Variants in EIF4EBP2 observed in about 807,000 individuals in gnomAD.
EIF4EBP2 encodes eukaryotic translation initiation factor 4E binding protein 2.
In EIF4EBP2, 5 loss-of-function variants were observed where a neutral mutation model predicts 10.3. The ratio of observed to expected loss-of-function variants is 0.48; its 90% CI spans 0.25 to 1.02. The LOEUF (loss-of-function observed/expected upper bound fraction) is 1.02, where lower values mean the gene tolerates loss of function less well. Ranked by LOEUF, EIF4EBP2 falls within the 50% of genes least tolerant of loss-of-function variation. EIF4EBP2 has a pLI of 0.15. For synonymous variants in EIF4EBP2, 67 were observed against 61.1 expected (o/e 1.10, Z -0.45); for missense variants, 188 against 162.2 (o/e 1.16, Z -0.86).
rs10999326 is a variant in EIF4EBP2 at position 70,425,468 on chromosome 10, G to T, written c.*3721G>T. 6.6e-6 allele frequency: 1 copy of T among 152,118 alleles called. No homozygotes were observed. The highest frequency in any genetic ancestry group is 2.4e-5 in the African/African-American group (1 of 41,416). 9.4% of individuals were successfully genotyped at this position (152,118 alleles called of 1,614,324 possible). A position where few individuals can be genotyped will look rare whatever the true frequency, so the allele number is the denominator to read the frequency against. On this transcript the variant is annotated 3_prime_UTR_variant, in exon 3 of 3. Transcript: ENST00000373218. ...ATGAAAGTAGGTCAACAGGGAGGTA[G>T]GTTTAATCTAGATAAGCTGAAAGAT... is the stretch of plus-strand genomic sequence containing the variant.
In EIF4EBP2 at chr10:70,412,084, A is replaced by G. The variant is rs555298992; in HGVS notation, c.145+7538A>G. ...CTCTTAAGTCAGTCATAGTTTCCCCAGTGTTTGGTCTGGTGGGCATCTGAA... is the reference window on the plus strand; with the variant it reads ...CTCTTAAGTCAGTCATAGTTTCCCCGGTGTTTGGTCTGGTGGGCATCTGAA... On this transcript the variant is annotated intron_variant, in intron 1 of 2. Transcript: ENST00000373218. Among the ~76,000 whole-genome samples, 177 of 152,142 alleles carry G rather than the reference A, an allele frequency of 1.2e-3. 2 individuals carry two copies. Among genetic ancestry groups the G allele is most frequent in the Middle Eastern group, 0.01 (3 of 294 alleles).
chr10:70,406,962 A>G (rs1844970561), intron 1 of EIF4EBP2, among the ~76,000 whole-genome samples: 1 of 152,112 alleles, frequency 6.6e-6, no homozygotes, highest in Admixed American at 6.5e-5. Flanking sequence ...CAGTGGCGCG[A>G]TCTCGGCTCA....
chr10:70,421,792 T>G lies in EIF4EBP2; in HGVS notation c.*45T>G, dbSNP rs200128194. ...AGAAAAGCAGCAACACTGATACTTG[T>G]GTGCACCTGATTTGGCCAATAGGAT... On this transcript the variant is annotated 3_prime_UTR_variant, in exon 3 of 3. Transcript: ENST00000373218. The G allele has an allele frequency of 2.1e-5, 33 of 1,599,450 alleles. No homozygotes were observed. The highest frequency in any genetic ancestry group is 2.7e-5 in the Non-Finnish European group (32 of 1,168,910).
intron 1 of EIF4EBP2, among the ~76,000 whole-genome samples, chr10:70,408,174 C>T (rs1252181758): frequency 7.6e-6 from 1 of 130,722 alleles, no homozygotes; most frequent in Non-Finnish European, 1.7e-5. Context: ...CCCCCACCTC[C>T]CTCCCGGACG....
At chr10:70,404,891 C>T (rs924699583) in intron 1 of EIF4EBP2, among the ~76,000 whole-genome samples, 3 of 152,250 alleles carry the variant, frequency 2.0e-5, no homozygotes, top group African/African-American at 4.8e-5. Flanking sequence ...TTACAGTCTG[C>T]ATTGCCTGTC....
At chr10:70,406,886 T>C (rs1264874579) in intron 1 of EIF4EBP2, among the ~76,000 whole-genome samples, 1 of 152,126 alleles carries the variant, frequency 6.6e-6, no homozygotes, top group Non-Finnish European at 1.5e-5. Context: ...AATCTTTGGA[T>C]TTATTTGTTT....
chr10:70,427,572 C>T lies in EIF4EBP2; in HGVS notation c.*5825C>T, dbSNP rs181348616. The stretch of plus-strand genomic sequence containing the variant: ...TTTAAATTTATTTCTCTAGGCTGGT[C>T]CTGGAAGTTGATAACCTTTTGGCAA... On this transcript the variant is annotated 3_prime_UTR_variant, in exon 3 of 3. Coordinates refer to ENST00000373218, the MANE Select transcript of EIF4EBP2 (RefSeq NM_004096.5). 7 of 152,134 alleles carry T rather than the reference C, an allele frequency of 4.6e-5. No individual in the cohort carries two copies. The highest frequency in any genetic ancestry group is 1.4e-4 in the African/African-American group (6 of 41,402). The allele number at this position is 152,134 out of a possible 1,614,324, so 9.4% of individuals were successfully genotyped here.
At chr10:70,421,600 CAG>C in intron 2 of EIF4EBP2, 114 bp from the exon 3 acceptor site, 2 of 902,654 alleles carry the variant, frequency 2.2e-6, no homozygotes, top group Non-Finnish European at 3.5e-6. Flanking sequence ...TTTAAGGCAG[CAG>C]AGAGTGGGAC....
chr10:70,408,616 A>T (rs1845008994), intron 1 of EIF4EBP2, among the ~76,000 whole-genome samples: 1 of 152,148 alleles, frequency 6.6e-6, no homozygotes, highest in Non-Finnish European at 1.5e-5. Flanking sequence ...TATTTCCCTC[A>T]ACCAGGGTGC....
chr10:70,410,744 G>A (rs1411378175), intron 1 of EIF4EBP2, among the ~76,000 whole-genome samples: 1 of 152,176 alleles, frequency 6.6e-6, no homozygotes, highest in Non-Finnish European at 1.5e-5. Context: ...AGAAAGACAG[G>A]CTTAGACTTC....
At chr10:70,415,042 C>T (rs956022314) in intron 1 of EIF4EBP2, among the ~76,000 whole-genome samples, 9 of 151,650 alleles carry the variant, frequency 5.9e-5, no homozygotes, top group Non-Finnish European at 1.2e-4. Context: ...CCTGTAGTCC[C>T]AACTGCTAGG....
At chr10:70,418,194 C>A (rs1342802978) in intron 1 of EIF4EBP2, among the ~76,000 whole-genome samples, 1 of 152,132 alleles carries the variant, frequency 6.6e-6, no homozygotes, top group African/African-American at 2.4e-5. Flanking sequence ...GCCCCCTTAC[C>A]CCCATGTAAG....
intron 1 of EIF4EBP2, among the ~76,000 whole-genome samples, chr10:70,418,345 T>C (rs759084493): frequency 2.0e-5 from 3 of 152,210 alleles, no homozygotes; most frequent in Admixed American, 6.5e-5. Context: ...CAGTCTGTGG[T>C]ATTTTGTTAT....
intron 1 of EIF4EBP2, among the ~76,000 whole-genome samples, chr10:70,414,311 C>G (rs1317751451): frequency 6.6e-6 from 1 of 152,014 alleles, no homozygotes; most frequent in African/African-American, 2.4e-5. Flanking sequence ...GCTTTATACC[C>G]ACTACAATTA....
chr10:70,413,631 A>G (rs1845065364), intron 1 of EIF4EBP2, among the ~76,000 whole-genome samples: 1 of 145,602 alleles, frequency 6.9e-6, no homozygotes, highest in African/African-American at 2.5e-5. Flanking sequence ...AAAAAAAAAA[A>G]GAAATCAGAG....
At chr10:70,408,489 A>T (rs1845007472) in intron 1 of EIF4EBP2, among the ~76,000 whole-genome samples, 1 of 152,204 alleles carries the variant, frequency 6.6e-6, no homozygotes. Context: ...GTTGGATTTA[A>T]TCACTATTAC....
chr10:70,405,443 T>C (rs992852171), intron 1 of EIF4EBP2, among the ~76,000 whole-genome samples: 1 of 152,122 alleles, frequency 6.6e-6, no homozygotes, highest in African/African-American at 2.4e-5. Context: ...GGAAGAGAGC[T>C]CAAAGGTTGT....
chr10:70,420,230 C>CAAAAAAA, intron 2 of EIF4EBP2, 131 bp downstream of exon 2: 2 of 858,268 alleles, frequency 2.3e-6, no homozygotes, highest in Non-Finnish European at 3.4e-6. Context: ...GACACAGTCT[C>CAAAAAAA]ATTCTGTCAC....
rs149627071 is a variant in EIF4EBP2 at position 70,416,338 on chromosome 10, T to C, written c.146-3576T>C. Among the ~76,000 whole-genome samples the C allele has an allele frequency of 4.8e-3, 736 of 152,288 alleles. 7 individuals are homozygous for C. The highest frequency in any genetic ancestry group is 0.016 in the African/African-American group (679 of 41,564). On this transcript the variant is annotated intron_variant, in intron 1 of 2. Transcript: ENST00000373218. ...GCTCACGCCTGTAATCCTAACACTTTGGGAGGCCGAGCTGGGCAGATCACG... is the reference window on the plus strand; with the variant it reads ...GCTCACGCCTGTAATCCTAACACTTCGGGAGGCCGAGCTGGGCAGATCACG...
Sources: gnomAD v4.1 joint callset for allele counts (sites outside exome capture counted in the v4.1 genomes callset) on GRCh38, gnomAD v4.1.1 for gene constraint, MANE v1.5 for transcripts, NCBI Gene and HGNC (gene_info 2026-07-23, HGNC 2026-07-21) for gene names.